The following NUP210 variants were observed in gnomAD, a reference collection of about 807,000 sequenced individuals.
NUP210 encodes the protein nuclear pore membrane glycoprotein 210.
A neutral mutation model predicts 196.0 loss-of-function variants in NUP210; 151 were observed. The ratio of observed to expected loss-of-function variants is 0.77; its 90% confidence interval spans 0.67 to 0.88. NUP210 has a LOEUF of 0.88. Among genes scored for constraint, NUP210 ranks in the 40% least tolerant of loss-of-function variants. The pLI, the probability that NUP210 is intolerant of heterozygous loss-of-function variation, is 0.00. For synonymous variants in NUP210, 1,070 were observed against 1,052.7 expected (o/e 1.02, Z -0.32); for missense variants, 2,314 against 2,493.7 (o/e 0.93, Z 1.53).
chr3:13,382,563 C>G (rs923037789), intron 6 of NUP210, among the ~76,000 whole-genome samples: 1 of 152,030 alleles, frequency 6.6e-6, no homozygotes, highest in Non-Finnish European at 1.5e-5. Flanking sequence ...AGAAGAGAGG[C>G]AGACATAAAG....
At chr3:13,386,082 C>A (rs1329949093) in intron 6 of NUP210, among the ~76,000 whole-genome samples, 193 bp downstream of exon 6, 1 of 152,148 alleles carries the variant, frequency 6.6e-6, no homozygotes, top group Admixed American at 6.5e-5. Context: ...CAATGCAGAG[C>A]TTCAGTTTGG....
At chr3:13,377,244 A>G (rs1001109334) in intron 9 of NUP210, among the ~76,000 whole-genome samples, 45 of 152,072 alleles carry the variant, frequency 3.0e-4, no homozygotes, top group Non-Finnish European at 6.2e-4. Context: ...GGGGCTCTGC[A>G]GCTAGGCCGG....
chr3:13,332,171 C>T lies in NUP210; in HGVS notation c.3935+122G>A, dbSNP rs570555497. ...GAGCAGGCAGAGGCCTCACCCATTC[C>T]AAGCACAGCAGGAGAAAACCTCCCT... On this transcript the variant is annotated intron_variant, in intron 29 of 39. Transcript: ENST00000254508. The T allele has an allele frequency of 3.1e-5, 23 of 749,480 alleles. No individual in the cohort carries two copies. In the South Asian group the frequency reaches 3.7e-4, roughly 12 times the overall value. The allele number at this position is 749,480 out of a possible 1,614,324, so 46.4% of individuals were successfully genotyped here. A position where few individuals can be genotyped will look rare whatever the true frequency, so the allele number is the denominator to read the frequency against.
chr3:13,325,801 G>A lies in NUP210; in HGVS notation c.4638C>T (p.Tyr1546=), dbSNP rs1198940425. ...CCGGCTGCTTAGAGCCCACCTCCTT[G>A]TAGGTCCTCAGGTGCCCAGCGACCT... is the stretch of plus-strand genomic sequence containing the variant. ...YYEVAGHLRT[Y]KEVVVSVPQR... Residue 1546 remains tyrosine, a synonymous_variant, in exon 33 of 40, where the codon TAC becomes TAT. Coordinates refer to ENST00000254508, the MANE Select transcript of NUP210 (RefSeq NM_024923.4). 6.2e-7 allele frequency: 1 copy of A among 1,613,802 alleles called. No homozygotes were observed. Among genetic ancestry groups the A allele is most frequent in the South Asian group, 1.1e-5 (1 of 91,082 alleles).
chr3:13,354,667 C>G (rs913286171), intron 16 of NUP210: 2 of 153,526 alleles, frequency 1.3e-5, no homozygotes, highest in African/African-American at 4.8e-5. Context: ...GATTTCAACG[C>G]CTAAGATGTC....
At position 13,327,878 on chromosome 3, in the gene NUP210, C is replaced by T. The variant is rs371557450; in HGVS notation, c.4287-441G>A. On this transcript the variant is annotated intron_variant, in intron 31 of 39. Coordinates refer to ENST00000254508, the MANE Select transcript of NUP210 (RefSeq NM_024923.4). ...TGAAAAATGGGGATCATCACGTGACCGTGACGCAGGCCTGGCATAAGCATT... is the reference window on the plus strand; with the variant it reads ...TGAAAAATGGGGATCATCACGTGACTGTGACGCAGGCCTGGCATAAGCATT... Among the ~76,000 whole-genome samples, 45 of 152,340 alleles carry T rather than the reference C, an allele frequency of 3.0e-4. 4 individuals carry two copies. The highest frequency in any genetic ancestry group is 2.5e-3 in the South Asian group (12 of 4,830).
rs6795271 is a variant in NUP210 at position 13,358,286 on chromosome 3, G to A, written c.2264C>T (p.Ala755Val). The A allele has an allele frequency of 0.31, 497,562 of 1,612,988 alleles. 81,151 individuals carry two copies. Among genetic ancestry groups the A allele is most frequent in the Non-Finnish European group, 0.34 (400,243 of 1,179,404 alleles). ...VCAPPSRLTL[A>V]PVYTSPQLDM... ...CAGCTGGGGGCTGGTGTAGACAGGC[G>A]CGAGGGTGAGCCTGGACGGTGGGGC... Residue 755 changes from alanine (A) to valine (V), a missense_variant, in exon 16 of 40, where the codon GCG (alanine) becomes GTG (valine). Transcript: ENST00000254508.
Position 13,322,924 on chromosome 3 carries a change from C to T in NUP210, c.4768+385G>A, listed in dbSNP as rs956763563. On this transcript the variant is annotated intron_variant, in intron 34 of 39. Coordinates refer to ENST00000254508, the MANE Select transcript of NUP210 (RefSeq NM_024923.4). ...GTCATGGGCAGGGGATGGGGTTCAA[C>T]ATTCTATGCATGACCTGGGAGAGGT... Among the ~76,000 whole-genome samples the T allele has an allele frequency of 1.6e-4, 24 of 152,290 alleles. 3 individuals carry two copies. Among genetic ancestry groups the T allele is most frequent in the Admixed American group, 8.5e-4 (13 of 15,296 alleles).
chr3:13,360,499 C>G lies in NUP210; in HGVS notation c.1933-8G>C, dbSNP rs1187585491. On this transcript the variant is annotated splice_polypyrimidine_tract_variant and splice_region_variant and intron_variant, in intron 14 of 39. Transcript: ENST00000254508. ...AGAGGAGGGATCCACAGCCTGGGGA[C>G]AGAAGAGGCAGAAGACTTGGCATTC... 1.3e-6 allele frequency: 2 copies of G among 1,592,752 alleles called. No homozygotes were observed. The highest frequency in any genetic ancestry group is 3.5e-5 in the Admixed American group (2 of 56,750).
rs149667032 is a variant in NUP210 at position 13,388,425 on chromosome 3, T to C, written c.562A>G (p.Ile188Val). The change falls in exon 5 of 40, where the codon ATC (isoleucine) becomes GTC (valine). Residue 188 changes from isoleucine to valine, a missense_variant. By Grantham distance (29) the Ile-to-Val change is conservative. Transcript: ENST00000254508. ...RILTFLESTYIPPSYISEMEK... is the reference protein window; with the variant it reads ...RILTFLESTYVPPSYISEMEK... ...ATCTCTGAGATGTAAGAAGGAGGGA[T>C]GTACGTAGACTCCAAGAAAGTGAGG... 1 of 1,611,756 alleles carries C rather than the reference T, an allele frequency of 6.2e-7. No homozygotes were observed. Among genetic ancestry groups the C allele is most frequent in the Non-Finnish European group, 8.5e-7 (1 of 1,179,082 alleles).
At chr3:13,338,509 T>C (rs1697321438) in intron 25 of NUP210, among the ~76,000 whole-genome samples, 1 of 152,210 alleles carries the variant, frequency 6.6e-6, no homozygotes, top group African/African-American at 2.4e-5. Context: ...ATCTTGAGGC[T>C]CATGACTTGG....
chr3:13,419,927 C>T (rs1700475766), intron 1 of NUP210, 133 bp downstream of exon 1: 2 of 438,094 alleles, frequency 4.6e-6, no homozygotes, highest in Non-Finnish European at 6.3e-6. Context: ...GCTCCGAGTG[C>T]TGCAGCCTAG....
At chr3:13,339,725 T>G (rs2124858138) in intron 25 of NUP210, 129 bp downstream of exon 25, 1 of 812,800 alleles carries the variant, frequency 1.2e-6, no homozygotes, top group South Asian at 1.6e-5. Flanking sequence ...GCCCCTGCAG[T>G]GACTGCAGAC....
rs1696606308 is a variant in NUP210, at chr3:13,323,137, G to A, written c.4768+172C>T. Among the ~76,000 whole-genome samples the A allele has an allele frequency of 6.6e-6, 1 of 152,220 alleles. No homozygotes were observed. Among genetic ancestry groups the A allele is most frequent in the Non-Finnish European group, 1.5e-5 (1 of 68,042 alleles). ...CCTTTCACTGGCTCAGCTTTTGGAG[G>A]ACTCCAATTTCAGAAACGCTGGAAG... On this transcript the variant is annotated intron_variant, in intron 34 of 39. Transcript: ENST00000254508. This position sits in a 1 kb window ranked among gnomAD's most constrained non-coding sequence, Gnocchi z 4.3.
At chr3:13,384,212 C>T (rs1314741188) in intron 6 of NUP210, among the ~76,000 whole-genome samples, 1 of 152,240 alleles carries the variant, frequency 6.6e-6, no homozygotes, top group Non-Finnish European at 1.5e-5. Flanking sequence ...CCGCCCGCCT[C>T]AGCCTCCCAA....
At chr3:13,335,703 A>C (rs1450782839) in intron 27 of NUP210, 91 bp from the exon 28 acceptor site, 2 of 1,414,700 alleles carry the variant, frequency 1.4e-6, no homozygotes, top group Non-Finnish European at 1.9e-6. Flanking sequence ...CAGACCCCCC[A>C]GCCCCCCAGT....
In NUP210 at chr3:13,360,400, G is replaced by A. The variant is rs762978343; in HGVS notation, c.2024C>T (p.Pro675Leu). Residue 675 changes from proline (P) to leucine (L), a missense_variant, in exon 15 of 40, where the codon CCG (proline) becomes CTG (leucine). By Grantham distance (98) the Pro-to-Leu change is moderately conservative (BLOSUM62 -3). Transcript: ENST00000254508. Reference protein sequence around the residue: ...EGGPRPWILEPSKFFQNVTAE... With the variant: ...EGGPRPWILELSKFFQNVTAE... The stretch of plus-strand genomic sequence containing the variant: ...GGTGACGTTCTGGAAGAATTTGGAC[G>A]GCTCGAGGATCCAAGGTCTGGGACC... The A allele has an allele frequency of 1.2e-5, 19 of 1,614,138 alleles. No homozygotes were observed. Among genetic ancestry groups the A allele is most frequent in the Middle Eastern group, 1.6e-4 (1 of 6,062 alleles).
chr3:13,362,387 G>A (rs1698399995), intron 14 of NUP210, among the ~76,000 whole-genome samples: 1 of 152,234 alleles, frequency 6.6e-6, no homozygotes, highest in South Asian at 2.1e-4. Flanking sequence ...ATTTTGTGGG[G>A]ACACAAACAT....
intron 3 of NUP210, among the ~76,000 whole-genome samples, chr3:13,396,110 GC>G (rs938084981): frequency 2.6e-5 from 4 of 152,120 alleles, no homozygotes; most frequent in Admixed American, 2.6e-4. Flanking sequence ...CAGTGGTTTG[GC>G]CCCCCAGGGA....
Sources: gnomAD v4.1 joint callset for allele counts (sites outside exome capture counted in the v4.1 genomes callset) on GRCh38, gnomAD v4.1.1 for gene constraint, Gnocchi (gnomAD v3.1) non-coding constraint, MANE v1.5 for transcripts, NCBI Gene and HGNC (gene_info 2026-07-23, HGNC 2026-07-21) for gene names.